PITPNM3: variants seen among roughly 807,000 people sequenced by gnomAD.
PITPNM3 encodes the protein PITPNM family member 3.
A neutral mutation model predicts 102.0 loss-of-function variants in PITPNM3; 26 were observed. The observed-to-expected ratio is 0.25, with a 90% CI of 0.19 to 0.35. The LOEUF is 0.35. Ranked by LOEUF, PITPNM3 falls within the 10% of genes least tolerant of loss-of-function variation. The pLI, the probability that PITPNM3 is intolerant of heterozygous loss-of-function variation, is 1.00. For missense variants in PITPNM3, 1,083 were observed against 1,346.1 expected (o/e 0.80, Z 3.06); for synonymous variants, 578 against 558.6 (o/e 1.03, Z -0.49).
chr17:6,469,425 C>T lies in PITPNM3; in HGVS notation c.1773+835G>A, dbSNP rs1243053293. On this transcript the variant is annotated intron_variant, in intron 13 of 19. Transcript: ENST00000262483. The surrounding 1 kb of genome is among the most constrained non-coding windows in gnomAD (Gnocchi z 4.0). ...GCACACTCTCTCCCACCCCCAAGAA[C>T]CTACAAACAAAACTCACTTTCCTCC... is the stretch of plus-strand genomic sequence containing the variant. Among the ~76,000 whole-genome samples, 2 of 150,902 alleles carry T rather than the reference C, an allele frequency of 1.3e-5. No homozygotes were observed. Among genetic ancestry groups the T allele is most frequent in the Admixed American group, 1.3e-4 (2 of 15,144 alleles).
chr17:6,468,800 C>T lies in PITPNM3; in HGVS notation c.1774-459G>A, dbSNP rs992089596. The stretch of plus-strand genomic sequence containing the variant: ...GCATTCAAATACGTGTAATACTGCC[C>T]ATCTTAAAAAATACTCTCTCAGATT... On this transcript the variant is annotated intron_variant, in intron 13 of 19. Transcript: ENST00000262483. This position sits in a 1 kb window ranked among gnomAD's most constrained non-coding sequence, Gnocchi z 5.2. Among the ~76,000 whole-genome samples, 1 of 152,150 alleles carries T rather than the reference C, an allele frequency of 6.6e-6. No homozygotes were observed. Among genetic ancestry groups the T allele is most frequent in the Non-Finnish European group, 1.5e-5 (1 of 68,016 alleles).
At chr17:6,463,171 C>T (rs1007647612) in intron 17 of PITPNM3, among the ~76,000 whole-genome samples, 2 of 152,150 alleles carry the variant, frequency 1.3e-5, no homozygotes, top group Non-Finnish European at 2.9e-5. Context: ...TCCCCAAAAC[C>T]GTCACTGTTA....
intron 4 of PITPNM3, among the ~76,000 whole-genome samples, chr17:6,496,567 G>A (rs907942): frequency 0.7 from 106,107 of 151,940 alleles, 37,178 homozygotes; most frequent in Middle Eastern, 0.84. Flanking sequence ...CTTTCCTGGG[G>A]TTAATCCTCA....
chr17:6,548,289 G>A (rs1910134649), intron 1 of PITPNM3, among the ~76,000 whole-genome samples: 1 of 152,300 alleles, frequency 6.6e-6, no homozygotes, highest in African/African-American at 2.4e-5. Context: ...ACAGTGCCAG[G>A]AATTGCCAGC....
chr17:6,464,562 C>A, intron 15 of PITPNM3, 93 bp downstream of exon 15: 1 of 1,341,948 alleles, frequency 7.5e-7, no homozygotes, highest in Non-Finnish European at 1.0e-6. Context: ...GCAGCTCGGC[C>A]CTCTTGACAC....
chr17:6,536,242 G>A lies in PITPNM3; in HGVS notation c.118+1745C>T, dbSNP rs910679352. 4.6e-5 allele frequency among the ~76,000 whole-genome samples: 7 copies of A among 152,324 alleles called. No homozygotes were observed. In the East Asian group the frequency reaches 1.4e-3, roughly 29 times the overall value. On this transcript the variant is annotated intron_variant, in intron 2 of 19. Coordinates refer to ENST00000262483, the MANE Select transcript of PITPNM3 (RefSeq NM_031220.4). ...AGGGAGACAGCCGTCAGCATGAGAA[G>A]CACTGCAGCTGCTCTCAGGGACGGC...
At chr17:6,550,361 G>A (rs1280232118) in intron 1 of PITPNM3, among the ~76,000 whole-genome samples, 1 of 152,190 alleles carries the variant, frequency 6.6e-6, no homozygotes, top group African/African-American at 2.4e-5. Context: ...TTGAGCCATT[G>A]GACAGAAAAG....
rs371146567 is a variant in PITPNM3, at chr17:6,525,406, T to C, written c.176A>G (p.Asn59Ser). 28 of 1,614,026 alleles carry C rather than the reference T, an allele frequency of 1.7e-5. No homozygotes were observed. The highest frequency in any genetic ancestry group is 2.2e-5 in the East Asian group (1 of 44,890). The change falls in exon 3 of 20, where the codon AAT becomes AGT. Residue 59 changes from asparagine (N) to serine (S), a missense_variant. Asn to Ser is a conservative substitution (Grantham distance 46). Around this residue, in one of 5 missense-constraint regions of PITPNM3, gnomAD observed 290 missense variants for 337.8 expected, o/e 0.86. Coordinates refer to ENST00000262483, the MANE Select transcript of PITPNM3 (RefSeq NM_031220.4). ...ILIGMSQWNS[N>S]DLVEQIETMG... is the part of the protein sequence containing the mutation. ...GGTCTCGATCTGCTCCACGAGGTCA[T>C]TGGAGTTCCACTGGCTCATCCCAAT...
At chr17:6,462,686 C>G (rs369207385) in intron 17 of PITPNM3, among the ~76,000 whole-genome samples, 4 of 152,186 alleles carry the variant, frequency 2.6e-5, no homozygotes, top group Admixed American at 2.6e-4. Context: ...CTTTATGGCA[C>G]CTGCCACCAG....
At chr17:6,515,701 T>G (rs1033252129) in intron 3 of PITPNM3, among the ~76,000 whole-genome samples, 1 of 142,846 alleles carries the variant, frequency 7.0e-6, no homozygotes, top group African/African-American at 2.7e-5. Flanking sequence ...ATCTTAAGTG[T>G]GTAGTTATTC....
At chr17:6,549,389 T>G (rs1362112718) in intron 1 of PITPNM3, among the ~76,000 whole-genome samples, 1 of 152,220 alleles carries the variant, frequency 6.6e-6, no homozygotes, top group Non-Finnish European at 1.5e-5. Flanking sequence ...TGTGGCCCCA[T>G]GAACGTGTGA....
chr17:6,544,376 A>G (rs1026852452), intron 1 of PITPNM3, among the ~76,000 whole-genome samples: 1 of 152,056 alleles, frequency 6.6e-6, no homozygotes, highest in Non-Finnish European at 1.5e-5. Context: ...AAGTCAAAGT[A>G]AAAAAACAAG....
chr17:6,484,352 C>G (rs1025713218), intron 4 of PITPNM3, 60 bp from the exon 5 acceptor site: 62 of 1,499,610 alleles, frequency 4.1e-5, no homozygotes, highest in Middle Eastern at 1.7e-4. Context: ...ACCAGACACT[C>G]CCTGGGCCCA....
intron 6 of PITPNM3, chr17:6,479,359 C>G (rs1250097487): frequency 6.5e-6 from 1 of 153,084 alleles, no homozygotes; most frequent in Non-Finnish European, 1.5e-5. Context: ...GTCCAGCCAG[C>G]AGACTGTCCA....
rs1914188219 is a variant in PITPNM3 at position 6,458,216 on chromosome 17, C to T, written c.2491-494G>A. ...CCCCAATTCAATTCAGAGAACTGCA[C>T]AAGGTCCGTCTTGCTCCAGGGGCAC... On this transcript the variant is annotated intron_variant, in intron 18 of 19. Transcript: ENST00000262483. The surrounding 1 kb of genome is among the most constrained non-coding windows in gnomAD (Gnocchi z 5.1). 6.6e-6 allele frequency among the ~76,000 whole-genome samples: 1 copy of T among 151,988 alleles called. No individual in the cohort carries two copies. Among genetic ancestry groups the T allele is most frequent in the African/African-American group, 2.4e-5 (1 of 41,360 alleles).
At chr17:6,508,596 A>G (rs531401933) in intron 3 of PITPNM3, among the ~76,000 whole-genome samples, 1 of 152,208 alleles carries the variant, frequency 6.6e-6, no homozygotes, top group East Asian at 1.9e-4. Flanking sequence ...CTGAGGGGTG[A>G]GGAGGACGGG....
rs1382295052 is a variant in PITPNM3 at position 6,537,156 on chromosome 17, T to A, written c.118+831A>T. On this transcript the variant is annotated intron_variant, in intron 2 of 19. Coordinates refer to ENST00000262483, the MANE Select transcript of PITPNM3 (RefSeq NM_031220.4). The surrounding 1 kb of genome is among the most constrained non-coding windows in gnomAD (Gnocchi z 4.4). ...GGTTGGCCGGGAAGAGATGCAGAGG[T>A]CATTTCCCCACCCTCCTTGTCCCTC... Among the ~76,000 whole-genome samples, 3 of 151,882 alleles carry A rather than the reference T, an allele frequency of 2.0e-5. No individual in the cohort carries two copies. The highest frequency in any genetic ancestry group is 7.3e-5 in the African/African-American group (3 of 41,302).
chr17:6,538,924 A>T (rs763871233), intron 1 of PITPNM3, among the ~76,000 whole-genome samples: 1 of 151,980 alleles, frequency 6.6e-6, no homozygotes, highest in Non-Finnish European at 1.5e-5. Context: ...CACACCCCCT[A>T]CCCTGCAGGA....
intron 3 of PITPNM3, among the ~76,000 whole-genome samples, chr17:6,516,630 T>A (rs1376342096): frequency 6.7e-6 from 1 of 150,056 alleles, no homozygotes; most frequent in East Asian, 1.9e-4. Context: ...GGCTTCACAG[T>A]AGTGAAAGAG....
Sources: gnomAD v4.1 joint callset for allele counts (sites outside exome capture counted in the v4.1 genomes callset) on GRCh38, gnomAD v4.1.1 for gene constraint, gnomAD v4.1.1 regional missense constraint, Gnocchi (gnomAD v3.1) non-coding constraint, MANE v1.5 for transcripts, NCBI Gene and HGNC (gene_info 2026-07-23, HGNC 2026-07-21) for gene names.